MTCL1: variants seen among roughly 807,000 people sequenced by gnomAD.
The protein encoded by MTCL1 is microtubule cross-linking factor 1.
A neutral mutation model predicts 141.4 loss-of-function variants in MTCL1; 79 were observed. The ratio of observed to expected loss-of-function variants is 0.56; its 90% CI spans 0.47 to 0.67. The LOEUF (loss-of-function observed/expected upper bound fraction) is 0.67, where lower values mean the gene tolerates loss of function less well. MTCL1 is among the 30% of genes least tolerant of loss of function. MTCL1 has a pLI of 0.00. For missense variants in MTCL1, 2,177 were observed against 2,113.9 expected (o/e 1.03, Z -0.59); for synonymous variants, 914 against 875.8 (o/e 1.04, Z -0.77).
intron 12 of MTCL1, among the ~76,000 whole-genome samples, chr18:8,818,127 C>T (rs566522775): frequency 2.0e-4 from 30 of 152,306 alleles, no homozygotes; most frequent in African/African-American, 6.5e-4. Flanking sequence ...TCCCACTAGA[C>T]GGCATGACTC....
intron 7 of MTCL1, chr18:8,786,537 A>G (rs2096556639): frequency 2.7e-6 from 1 of 363,914 alleles, no homozygotes; most frequent in South Asian, 2.0e-5. Flanking sequence ...CTCGAGTGAC[A>G]CTGCTGGCAG....
intron 11 of MTCL1, among the ~76,000 whole-genome samples, chr18:8,811,963 C>T: frequency 6.6e-6 from 1 of 152,188 alleles, no homozygotes; most frequent in East Asian, 1.9e-4. Flanking sequence ...TAATCAGAGT[C>T]TACCTTGAAG....
rs1264757072 is a variant in MTCL1 at position 8,779,509 on chromosome 18, C to T, written c.417+1617C>T. ...CGCTGCCTGAGCTGAAGCTGTGATT[C>T]CACATCTTATGAGAAGGAGTGGCTT... On this transcript the variant is annotated intron_variant, in intron 5 of 16. Coordinates refer to ENST00000359865, the Ensembl canonical transcript of MTCL1. This position sits in a 1 kb window ranked among gnomAD's most constrained non-coding sequence, Gnocchi z 4.1. 1.3e-5 allele frequency among the ~76,000 whole-genome samples: 2 copies of T among 152,182 alleles called. No individual in the cohort carries two copies. The highest frequency in any genetic ancestry group is 2.9e-5 in the Non-Finnish European group (2 of 68,034).
intron 7 of MTCL1, among the ~76,000 whole-genome samples, chr18:8,791,131 C>A (rs570061556): frequency 6.6e-6 from 1 of 152,218 alleles, no homozygotes; most frequent in Admixed American, 6.5e-5. Flanking sequence ...TCAGCAGCTC[C>A]AAGGGAACAG....
chr18:8,771,801 A>T lies in MTCL1; in HGVS notation c.358-6032A>T, dbSNP rs1020475388. ...TTTTTTCTTTTCAGTAGGAATATGC[A>T]ATTGATTTGCTGGCAATTGATCAGG... On this transcript the variant is annotated intron_variant, in intron 4 of 16. Transcript: ENST00000359865. Among the ~76,000 whole-genome samples, 6 of 152,200 alleles carry T rather than the reference A, an allele frequency of 3.9e-5. No homozygotes were observed. The East Asian group carries it at 9.6e-4, about 24-fold the overall frequency.
intron 10 of MTCL1, among the ~76,000 whole-genome samples, chr18:8,805,789 C>T (rs920682272): frequency 2.6e-5 from 4 of 152,098 alleles, no homozygotes; most frequent in East Asian, 1.9e-4. Flanking sequence ...GCCCTGAGAC[C>T]GCCCTGAGAG....
intron 4 of MTCL1, among the ~76,000 whole-genome samples, chr18:8,731,635 A>G (rs780087833): frequency 6.6e-6 from 1 of 152,238 alleles, no homozygotes; most frequent in Non-Finnish European, 1.5e-5. Context: ...TTAGACTTTC[A>G]CTAGGCAGTA....
At chr18:8,777,489 C>T (rs1004912914) in intron 4 of MTCL1, among the ~76,000 whole-genome samples, 1 of 152,200 alleles carries the variant, frequency 6.6e-6, no homozygotes, top group African/African-American at 2.4e-5. Flanking sequence ...TCCCAAACTT[C>T]CTGCCTTTCT....
chr18:8,740,332 G>A (rs688573), intron 4 of MTCL1, among the ~76,000 whole-genome samples: 43,955 of 152,028 alleles, frequency 0.29, 6,544 homozygotes, highest in South Asian at 0.41. Context: ...TGAAGCATCC[G>A]GAAATCCTTG....
At chr18:8,725,480 A>G (rs2096202359) in intron 4 of MTCL1, among the ~76,000 whole-genome samples, 1 of 152,210 alleles carries the variant, frequency 6.6e-6, no homozygotes, top group Non-Finnish European at 1.5e-5. Context: ...TCAATATACA[A>G]CTATACAAAG....
chr18:8,796,202 T>C lies in MTCL1; in HGVS notation c.2011-30T>C, dbSNP rs2075913083. On this transcript the variant is annotated intron_variant, in intron 8 of 16. Coordinates refer to ENST00000359865, the Ensembl canonical transcript of MTCL1. The stretch of plus-strand genomic sequence containing the variant: ...TGGGTGGCGGATTGGATTAGCTGCT[T>C]GTCACACTGTCTCTCTTATTCCATT... 2.5e-6 allele frequency: 4 copies of C among 1,610,170 alleles called. No individual in the cohort carries two copies. The Admixed American group carries it at 5.0e-5, about 20-fold the overall frequency.
intron 1 of MTCL1, among the ~76,000 whole-genome samples, chr18:8,710,220 G>A (rs1249381899): frequency 3.9e-5 from 6 of 152,202 alleles, no homozygotes; most frequent in African/African-American, 1.4e-4. Flanking sequence ...AAATTTGGTC[G>A]TCCCTGACTC....
chr18:8,752,297 A>AGT (rs1225175780), intron 4 of MTCL1, among the ~76,000 whole-genome samples: 1 of 152,256 alleles, frequency 6.6e-6, no homozygotes. Flanking sequence ...GCCTATCCAA[A>AGT]GTACTGAGCA....
chr18:8,828,972 C>A lies in MTCL1; in HGVS notation c.*18+8C>A, dbSNP rs751515099. ...CCCTGCCCGCCTCACGCTGTAAGTG[C>A]TTCCTTCCTTGTTTCCCAACTGTCT... On this transcript the variant is annotated splice_region_variant and intron_variant, in intron 16 of 16. Transcript: ENST00000359865. This position sits in a 1 kb window ranked among gnomAD's most constrained non-coding sequence, Gnocchi z 5.2. The A allele has an allele frequency of 3.7e-6, 6 of 1,614,216 alleles. No homozygotes were observed. The Admixed American group carries it at 1.0e-4, about 27-fold the overall frequency.
At chr18:8,745,402 C>T (rs1002362286) in intron 4 of MTCL1, among the ~76,000 whole-genome samples, 4 of 152,180 alleles carry the variant, frequency 2.6e-5, no homozygotes, top group East Asian at 1.9e-4. Flanking sequence ...TGTAGCCATC[C>T]GTCTGCGGCA....
chr18:8,763,337 C>T (rs940504741), intron 4 of MTCL1, among the ~76,000 whole-genome samples: 3 of 152,238 alleles, frequency 2.0e-5, no homozygotes, highest in South Asian at 2.1e-4. Flanking sequence ...CTGATGGGCC[C>T]GCCCAGACCC....
chr18:8,723,511 C>G (rs2096187146), intron 4 of MTCL1, among the ~76,000 whole-genome samples: 1 of 152,174 alleles, frequency 6.6e-6, no homozygotes, highest in Non-Finnish European at 1.5e-5. Flanking sequence ...TGTGTGTCCC[C>G]TCGGCCTCAG....
chr18:8,710,888 C>CTTTTTTTTTTTTTTTTTTT (rs71356255), intron 1 of MTCL1, among the ~76,000 whole-genome samples: 6 of 80,930 alleles, frequency 7.4e-5, no homozygotes, highest in Admixed American at 3.4e-4. Flanking sequence ...TTTTTTTTTA[C>CTTTTTTTTTTTTTTTTTTT]TTTTTTTTTT....
At chr18:8,717,763 A>T in intron 1 of MTCL1, 2 of 348,536 alleles carry the variant, frequency 5.7e-6, no homozygotes, top group Non-Finnish European at 8.1e-6. Flanking sequence ...GAATGAAATG[A>T]CTCCTTGGGT....
Sources: gnomAD v4.1 joint callset for allele counts (sites outside exome capture counted in the v4.1 genomes callset) on GRCh38, gnomAD v4.1.1 for gene constraint, Gnocchi (gnomAD v3.1) non-coding constraint, MANE v1.5 for transcripts, NCBI Gene and HGNC (gene_info 2026-07-23, HGNC 2026-07-21) for gene names.